NTNG2: variants seen among roughly 807,000 people sequenced by gnomAD.
NTNG2 encodes netrin-G2.
A neutral mutation model predicts 47.6 loss-of-function variants in NTNG2; 15 were observed. The ratio of observed to expected loss-of-function variants is 0.32; its 90% confidence interval spans 0.21 to 0.49. The LOEUF is 0.49. Ranked by LOEUF, NTNG2 falls within the 20% of genes least tolerant of loss-of-function variation. NTNG2 has a pLI of 0.99. For synonymous variants in NTNG2, 307 were observed against 324.6 expected, an observed-to-expected ratio of 0.95 and a Z score of 0.58; for missense variants, 578 against 764.6, an observed-to-expected ratio of 0.76 and a Z score of 2.88.
At position 132,182,208 on chromosome 9, in the gene NTNG2, G is replaced by A. The variant is rs543268395; in HGVS notation, c.213+15164G>A. ...CACCAGCTCTGGGGAAGGCGAGATG[G>A]CTTTGCCTGGAGGAACCTGATTGTT... is the stretch of plus-strand genomic sequence containing the variant. On this transcript the variant is annotated intron_variant, in intron 2 of 7. Coordinates refer to ENST00000393229, the MANE Select transcript of NTNG2 (RefSeq NM_032536.4). This position sits in a 1 kb window ranked among gnomAD's most constrained non-coding sequence, Gnocchi z 4.2. Among the ~76,000 whole-genome samples, 6 of 152,392 alleles carry A rather than the reference G, an allele frequency of 3.9e-5. No homozygotes were observed. In the East Asian group the frequency reaches 1.2e-3, roughly 29 times the overall value.
In NTNG2 at chr9:132,166,598, T is replaced by C; in HGVS notation, c.-234T>C. ...GGACGTGAAGTTATGGGCAACTTTC[T>C]GATCTGTCCATCAGCAGTCTGAGAA... On this transcript the variant is annotated 5_prime_UTR_variant, in exon 2 of 8. Coordinates refer to ENST00000393229, the MANE Select transcript of NTNG2 (RefSeq NM_032536.4). 1 of 563,274 alleles carries C rather than the reference T, an allele frequency of 1.8e-6. No homozygotes were observed. Among genetic ancestry groups the C allele is most frequent in the Non-Finnish European group, 3.2e-6 (1 of 312,938 alleles). The allele number at this position is 563,274 out of a possible 1,614,324, so 34.9% of individuals were successfully genotyped here. A position where few individuals can be genotyped will look rare whatever the true frequency, so the allele number is the denominator to read the frequency against.
At chr9:132,237,884 A>G (rs534079047) in intron 5 of NTNG2, among the ~76,000 whole-genome samples, 6 of 152,332 alleles carry the variant, frequency 3.9e-5, no homozygotes, top group Non-Finnish European at 8.8e-5. Context: ...CACTTAGAGG[A>G]TGCCTCATCT....
At chr9:132,166,111 A>C (rs1319363142) in intron 1 of NTNG2, 4 of 152,412 alleles carry the variant, frequency 2.6e-5, no homozygotes, top group Non-Finnish European at 5.9e-5. Context: ...GCTACCAGCC[A>C]AGGTCAGCTG....
chr9:132,198,158 G>A lies in NTNG2; in HGVS notation c.406G>A (p.Asp136Asn), dbSNP rs1036969885. The A allele has an allele frequency of 1.2e-6, 2 of 1,613,612 alleles. No homozygotes were observed. The highest frequency in any genetic ancestry group is 2.2e-5 in the East Asian group (1 of 44,896). The change falls in exon 3 of 8, where the codon GAC (aspartate) becomes AAC (asparagine). Residue 136 changes from aspartate (D) to asparagine (N), a missense_variant. By Grantham distance (23) the Asp-to-Asn change is conservative. Coordinates refer to ENST00000393229, the MANE Select transcript of NTNG2 (RefSeq NM_032536.4). ...SWNKTVELTD[D>N]VVMTFEYGRP... is the part of the protein sequence containing the mutation. Reference sequence around the variant, plus strand: ...GAACAAGACCGTGGAGCTGACCGACGACGTGGTGATGACCTTCGAGTACGG... The same window carrying A: ...GAACAAGACCGTGGAGCTGACCGACAACGTGGTGATGACCTTCGAGTACGG...
At position 132,215,319 on chromosome 9, in the gene NTNG2, A is replaced by T. The variant is rs767598082; in HGVS notation, c.858-11530A>T. Among the ~76,000 whole-genome samples the T allele has an allele frequency of 2.6e-5, 4 of 151,846 alleles. No homozygotes were observed. The highest frequency in any genetic ancestry group is 5.9e-5 in the Non-Finnish European group (4 of 67,964). Reference sequence around the variant, plus strand: ...GTGGGGGCCAGGCATGGTGGCTTATACCTGTAATCCCAGCATTTTGGGAGG... The same window carrying T: ...GTGGGGGCCAGGCATGGTGGCTTATTCCTGTAATCCCAGCATTTTGGGAGG... On this transcript the variant is annotated intron_variant, in intron 3 of 7. Transcript: ENST00000393229. This position sits in a 1 kb window ranked among gnomAD's most constrained non-coding sequence, Gnocchi z 4.2.
In NTNG2 at chr9:132,226,608, G is replaced by A. The variant is rs901765946; in HGVS notation, c.858-241G>A. On this transcript the variant is annotated intron_variant, in intron 3 of 7. Transcript: ENST00000393229. The surrounding 1 kb of genome is among the most constrained non-coding windows in gnomAD (Gnocchi z 4.8). ...AGGAATCCTTGAAACCAGCATCAGA[G>A]CAGAGAGGAGAGCCGCGCAGTGACT... Among the ~76,000 whole-genome samples, 7 of 152,262 alleles carry A rather than the reference G, an allele frequency of 4.6e-5. No homozygotes were observed. Among genetic ancestry groups the A allele is most frequent in the African/African-American group, 1.7e-4 (7 of 41,464 alleles).
At chr9:132,241,846 C>A in intron 7 of NTNG2, 30 bp from the exon 8 acceptor site, 1 of 1,497,488 alleles carries the variant, frequency 6.7e-7, no homozygotes. Context: ...CCGGGCCACC[C>A]CCCGTGCTGA....
chr9:132,198,785 G>C (rs1473829973), intron 3 of NTNG2, among the ~76,000 whole-genome samples, 176 bp downstream of exon 3: 1 of 151,978 alleles, frequency 6.6e-6, no homozygotes, highest in Admixed American at 6.6e-5. Flanking sequence ...CTGGTTCCCC[G>C]GGGGTTACCT....
chr9:132,210,810 G>A (rs1474457910), intron 3 of NTNG2, among the ~76,000 whole-genome samples: 1 of 152,076 alleles, frequency 6.6e-6, no homozygotes, highest in African/African-American at 2.4e-5. Flanking sequence ...AGGGAGCGTG[G>A]GGTGGGTCAT....
intron 2 of NTNG2, among the ~76,000 whole-genome samples, chr9:132,174,915 C>G (rs757737712): frequency 2.1e-5 from 1 of 48,690 alleles, no homozygotes; most frequent in Non-Finnish European, 4.1e-5. Flanking sequence ...GAGCAAGACT[C>G]TGTCTCAAAA....
chr9:132,169,117 C>G (rs894030390), intron 2 of NTNG2, among the ~76,000 whole-genome samples: 2 of 152,234 alleles, frequency 1.3e-5, no homozygotes, highest in Non-Finnish European at 2.9e-5. Context: ...TCTCCCATCC[C>G]CATCCCCTGC....
chr9:132,241,171 C>T (rs1589574466), intron 7 of NTNG2, 127 bp downstream of exon 7: 2 of 1,220,274 alleles, frequency 1.6e-6, no homozygotes, highest in East Asian at 5.4e-5. Flanking sequence ...CGGGGCAGGG[C>T]CGGGGAAGTG....
In NTNG2 at chr9:132,162,555, T is replaced by TGAGAGAGA. The variant is rs1554775835; in HGVS notation, c.-484+319_-484+326dup. On this transcript the variant is annotated intron_variant, in intron 1 of 7. Transcript: ENST00000393229. The surrounding 1 kb of genome is among the most constrained non-coding windows in gnomAD (Gnocchi z 4.6). ...GTGAGAGTGTGTGTGTGTGTGTGTG[T>TGAGAGAGA]GAGAGAGAGACAGAGTGTGTGTGTG... Among the ~76,000 whole-genome samples the TGAGAGAGA allele has an allele frequency of 3.0e-4, 42 of 139,468 alleles. 1 individual carries two copies. The highest frequency in any genetic ancestry group is 8.4e-4 in the African/African-American group (31 of 36,860). 91.5% of individuals were successfully genotyped at this position (139,468 alleles called of 152,430 possible). A position where few individuals can be genotyped will look rare whatever the true frequency, so the allele number is the denominator to read the frequency against.
rs61025145 is a variant in NTNG2 at position 132,244,460 on chromosome 9, A to G, written c.*2349A>G. On this transcript the variant is annotated 3_prime_UTR_variant, in exon 8 of 8. Transcript: ENST00000393229. ...CTCCCGAAGTGCTGAGATTACAGGC[A>G]TGAGCCACCGCACCACCTGCCTGTC... 0.02 allele frequency: 3,072 copies of G among 152,412 alleles called. 105 individuals carry two copies. The highest frequency in any genetic ancestry group is 0.07 in the African/African-American group (2,917 of 41,580). 9.4% of individuals were successfully genotyped at this position (152,412 alleles called of 1,614,324 possible). A position where few individuals can be genotyped will look rare whatever the true frequency, so the allele number is the denominator to read the frequency against.
intron 2 of NTNG2, among the ~76,000 whole-genome samples, chr9:132,169,321 G>A (rs1262049477): frequency 6.6e-6 from 1 of 152,254 alleles, no homozygotes; most frequent in South Asian, 2.1e-4. Flanking sequence ...GTGGCAGGTG[G>A]ACGGCAGCCT....
intron 3 of NTNG2, among the ~76,000 whole-genome samples, chr9:132,206,531 G>T (rs1294023401): frequency 6.6e-6 from 1 of 152,204 alleles, no homozygotes; most frequent in Admixed American, 6.5e-5. Flanking sequence ...TCCAGGCGTG[G>T]TGGCGTGCAC....
intron 2 of NTNG2, among the ~76,000 whole-genome samples, chr9:132,194,705 C>T (rs1270734078): frequency 6.6e-6 from 1 of 152,272 alleles, no homozygotes; most frequent in African/African-American, 2.4e-5. Context: ...TCCTGCCACC[C>T]TGAGGTTGCA....
intron 2 of NTNG2, among the ~76,000 whole-genome samples, chr9:132,183,772 C>T (rs1187113942): frequency 2.0e-5 from 3 of 152,168 alleles, no homozygotes; most frequent in African/African-American, 7.2e-5. Context: ...CTTCCCTGGA[C>T]CACCTGGACC....
chr9:132,198,517 G>A lies in NTNG2; in HGVS notation c.765G>A (p.Arg255=), dbSNP rs1838492877. The change falls in exon 3 of 8, where the codon CGG becomes CGA. Residue 255 remains arginine (R), a synonymous_variant. Coordinates refer to ENST00000393229, the MANE Select transcript of NTNG2 (RefSeq NM_032536.4). ...EFFTLTDLRM[R]LLRPALGGTY... ...TCACCCTCACCGACCTGCGCATGCG[G>A]CTGCTGCGCCCGGCGCTGGGCGGCA... The A allele has an allele frequency of 1.2e-6, 2 of 1,613,088 alleles. No homozygotes were observed. The highest frequency in any genetic ancestry group is 1.3e-5 in the African/African-American group (1 of 75,060).
Sources: allele counts gnomAD v4.1 joint callset (sites outside exome capture counted in the v4.1 genomes callset), GRCh38; gene constraint gnomAD v4.1.1; non-coding constraint Gnocchi (gnomAD v3.1); transcripts MANE v1.5; gene names NCBI Gene and HGNC (gene_info 2026-07-23, HGNC 2026-07-21).